TCF25: variants seen among roughly 807,000 people sequenced by gnomAD.
The protein encoded by TCF25 is TCF25 ribosome quality control complex subunit.
TCF25 carries 41 observed loss-of-function variants against 83.1 expected under a neutral mutation model. The observed-to-expected ratio is 0.49, with a 90% CI of 0.38 to 0.64. The LOEUF (loss-of-function observed/expected upper bound fraction) is 0.64. TCF25 is among the 30% of genes least tolerant of loss of function. The probability of loss-of-function intolerance (pLI) is 0.00; values close to 1 mark genes in which losing one functional copy is unlikely to be tolerated. For missense variants in TCF25, 979 were observed against 914.5 expected (o/e 1.07, Z -0.91); for synonymous variants, 458 against 365.0 (o/e 1.25, Z -2.90).
At chr16:89,902,925 C>T (rs1029186825) in intron 12 of TCF25, among the ~76,000 whole-genome samples, 1 of 152,212 alleles carries the variant, frequency 6.6e-6, no homozygotes, top group Non-Finnish European at 1.5e-5. Flanking sequence ...CCGAGGAGGC[C>T]CACGGCGTGG....
At chr16:89,896,278 T>C (rs956748168) in intron 9 of TCF25, among the ~76,000 whole-genome samples, 195 bp downstream of exon 9, 22 of 152,282 alleles carry the variant, frequency 1.4e-4, no homozygotes, top group African/African-American at 5.1e-4. Context: ...TTTACCTTTG[T>C]CTGTGGACAT....
intron 16 of TCF25, among the ~76,000 whole-genome samples, chr16:89,908,617 CACCTCCCA>C (rs2045237687): frequency 1.7e-5 from 2 of 116,972 alleles, no homozygotes; most frequent in East Asian, 2.6e-4. Flanking sequence ...TCCCAGCTCC[CACCTCCCA>C]GCTCCCACCT....
intron 7 of TCF25, among the ~76,000 whole-genome samples, chr16:89,894,438 C>T (rs915898437): frequency 1.3e-4 from 20 of 152,056 alleles, no homozygotes; most frequent in African/African-American, 4.1e-4. Context: ...CTTGCAACCC[C>T]GGACAGCCTC....
rs140032244 is a variant in TCF25 at position 89,904,908 on chromosome 16, G to A, written c.1470-30G>A. 5 of 1,589,374 alleles carry A rather than the reference G, an allele frequency of 3.1e-6. No homozygotes were observed. In the African/African-American group the frequency reaches 6.7e-5, roughly 21 times the overall value. ...GAGGCAGGCTGTGGTCTGAAGAGGGGTTCTGCTCAGAGCCCTTGCTCTCCC... is the reference window on the plus strand; with the variant it reads ...GAGGCAGGCTGTGGTCTGAAGAGGGATTCTGCTCAGAGCCCTTGCTCTCCC... On this transcript the variant is annotated intron_variant, in intron 13 of 17. Coordinates refer to ENST00000263346, the MANE Select transcript of TCF25 (RefSeq NM_014972.3).
At position 89,911,311 on chromosome 16, in the gene TCF25, G is replaced by C. The variant is rs1309486931; in HGVS notation, c.*73G>C. On this transcript the variant is annotated 3_prime_UTR_variant, in exon 18 of 18. Coordinates refer to ENST00000263346, the MANE Select transcript of TCF25 (RefSeq NM_014972.3). ...CTCTGTTGGTCGGAGTCGGCCAGTT[G>C]CCTGAAGTAGGGAAGCTGAGTGTGT... 3.8e-6 allele frequency: 6 copies of C among 1,582,966 alleles called. No homozygotes were observed. Among genetic ancestry groups the C allele is most frequent in the Non-Finnish European group, 5.2e-6 (6 of 1,159,982 alleles).
intron 1 of TCF25, among the ~76,000 whole-genome samples, chr16:89,879,279 T>C (rs71398839): frequency 1.0e-3 from 132 of 128,010 alleles, no homozygotes; most frequent in South Asian, 2.1e-3. Context: ...GTCACACGTG[T>C]TGTCCGTGTA....
Position 89,873,626 on chromosome 16 carries a change from C to T in TCF25, c.-42C>T, listed in dbSNP as rs759133077. 1.3e-5 allele frequency: 19 copies of T among 1,469,834 alleles called. No individual in the cohort carries two copies. Among genetic ancestry groups the T allele is most frequent in the Non-Finnish European group, 1.7e-5 (19 of 1,113,942 alleles). 91.0% of individuals were successfully genotyped at this position (1,469,834 alleles called of 1,614,324 possible). A position where few individuals can be genotyped will look rare whatever the true frequency, so the allele number is the denominator to read the frequency against. The stretch of plus-strand genomic sequence containing the variant: ...CGCGCCGACAGCCGAGTTTTCTGCG[C>T]TTCCTTCTCCCTCTCTCCAGACGTC... On this transcript the variant is annotated 5_prime_UTR_variant, in exon 1 of 18. Transcript: ENST00000263346.
intron 16 of TCF25, among the ~76,000 whole-genome samples, chr16:89,908,794 CCTCCCAGCTCCCACCTCGCAG>C (rs1447463673): frequency 1.4e-5 from 2 of 138,050 alleles, no homozygotes; most frequent in Admixed American, 6.9e-5. Flanking sequence ...CCAGTTTCCA[CCTCCCAGCTCCCACCTCGCAG>C]CTCCCAGCTC....
At chr16:89,873,967 A>C in intron 1 of TCF25, 108 bp downstream of exon 1, 2 of 1,031,036 alleles carry the variant, frequency 1.9e-6, no homozygotes, top group Non-Finnish European at 2.4e-6. Context: ...AGGGGTGGGA[A>C]GGGTGACGTG....
At chr16:89,889,106 G>A (rs990670519) in intron 5 of TCF25, 3 of 283,202 alleles carry the variant, frequency 1.1e-5, no homozygotes, top group Non-Finnish European at 2.0e-5. Context: ...GGAAGAGCAG[G>A]GGGGGTGTCT....
chr16:89,892,293 C>T lies in TCF25; in HGVS notation c.697+18C>T. On this transcript the variant is annotated intron_variant, in intron 6 of 17. Coordinates refer to ENST00000263346, the MANE Select transcript of TCF25 (RefSeq NM_014972.3). The stretch of plus-strand genomic sequence containing the variant: ...CAAACCAGGTGAGGGTCTGCAGATG[C>T]TGCTGGGGATGGAGGGTTGGGGGGC... The T allele has an allele frequency of 6.2e-7, 1 of 1,603,572 alleles. No individual in the cohort carries two copies. Among genetic ancestry groups the T allele is most frequent in the African/African-American group, 1.3e-5 (1 of 74,656 alleles).
intron 1 of TCF25, among the ~76,000 whole-genome samples, chr16:89,882,388 A>C (rs984071667): frequency 2.0e-5 from 3 of 151,700 alleles, no homozygotes; most frequent in African/African-American, 7.3e-5. Context: ...AATTTAAAAA[A>C]TTAGCCAGGC....
At chr16:89,896,951 C>A (rs1201127133) in intron 9 of TCF25, among the ~76,000 whole-genome samples, 1 of 151,774 alleles carries the variant, frequency 6.6e-6, no homozygotes, top group Non-Finnish European at 1.5e-5. Flanking sequence ...CAAGTGAGCC[C>A]AGGAGGTCGA....
chr16:89,873,891 GGTGGCCCTTGACGTTGTGGGGC>G, intron 1 of TCF25, 32 bp downstream of exon 1: 2 of 1,492,570 alleles, frequency 1.3e-6, no homozygotes, highest in East Asian at 2.6e-5. Context: ...GTGGGGGTGG[GGTGGCCCTTGACGTTGTGGGGC>G]GGGGCGAGCG....
chr16:89,873,606 C>G lies in TCF25; in HGVS notation c.-62C>G. On this transcript the variant is annotated 5_prime_UTR_variant, in exon 1 of 18. Coordinates refer to ENST00000263346, the MANE Select transcript of TCF25 (RefSeq NM_014972.3). ...CCGCGCGAAGAGTGCGCAGGCGCGC[C>G]GACAGCCGAGTTTTCTGCGCTTCCT... 1 of 1,412,522 alleles carries G rather than the reference C, an allele frequency of 7.1e-7. No individual in the cohort carries two copies. The highest frequency in any genetic ancestry group is 9.2e-7 in the Non-Finnish European group (1 of 1,083,232). The allele number at this position is 1,412,522 out of a possible 1,614,324, so 87.5% of individuals were successfully genotyped here.
At chr16:89,887,391 G>C (rs2043098920) in intron 4 of TCF25, among the ~76,000 whole-genome samples, 1 of 152,122 alleles carries the variant, frequency 6.6e-6, no homozygotes, top group Non-Finnish European at 1.5e-5. Flanking sequence ...CTCAGAAACA[G>C]ACGTGTGCCA....
chr16:89,909,334 A>G, intron 16 of TCF25: 1 of 371,354 alleles, frequency 2.7e-6, no homozygotes, highest in South Asian at 2.2e-5. Flanking sequence ...ACGTGCTGAA[A>G]ACCCGTCTCT....
intron 5 of TCF25, chr16:89,889,251 C>T: frequency 7.6e-6 from 3 of 395,350 alleles, no homozygotes; most frequent in Non-Finnish European, 1.5e-5. Flanking sequence ...CTGGGTTGTC[C>T]AGTCTGGTTT....
intron 1 of TCF25, chr16:89,878,373 G>C: frequency 1.7e-6 from 2 of 1,163,342 alleles, no homozygotes; most frequent in Non-Finnish European, 2.2e-6. Flanking sequence ...ACCACCTGAG[G>C]TCAGGAGTTC....
Sources: gnomAD v4.1 joint callset for allele counts (sites outside exome capture counted in the v4.1 genomes callset) on GRCh38, gnomAD v4.1.1 for gene constraint, MANE v1.5 for transcripts, NCBI Gene and HGNC (gene_info 2026-07-23, HGNC 2026-07-21) for gene names.